CPE: variants seen among roughly 807,000 people sequenced by gnomAD.
CPE encodes the protein carbocypeptidase E.
Under a neutral mutation model 53.5 loss-of-function variants are expected in CPE, and 17 were observed. That is an observed-to-expected ratio of 0.32 (90% CI 0.22 to 0.48). The LOEUF (loss-of-function observed/expected upper bound fraction) is 0.48, where lower values mean the gene tolerates loss of function less well. Ranked by LOEUF, CPE falls within the 20% of genes least tolerant of loss-of-function variation. The probability of loss-of-function intolerance (pLI) is 0.99; values close to 1 mark genes in which losing one functional copy is unlikely to be tolerated. For missense variants in CPE, 524 were observed against 614.7 expected, an observed-to-expected ratio of 0.85 and a Z score of 1.56; for synonymous variants, 226 against 228.8, an observed-to-expected ratio of 0.99 and a Z score of 0.11.
chr4:165,405,447 C>A, intron 1 of CPE: 1 of 855,210 alleles, frequency 1.2e-6, no homozygotes, highest in Non-Finnish European at 2.0e-6. Flanking sequence ...TTTACCACAT[C>A]AATTATTTTC....
At chr4:165,391,721 C>T (rs1730682967) in intron 1 of CPE, among the ~76,000 whole-genome samples, 1 of 152,018 alleles carries the variant, frequency 6.6e-6, no homozygotes, top group Non-Finnish European at 1.5e-5. Context: ...TAACTAAGTG[C>T]CTCCTATATG....
chr4:165,462,845 C>T (rs1021628213), intron 1 of CPE, among the ~76,000 whole-genome samples: 2 of 152,148 alleles, frequency 1.3e-5, no homozygotes, highest in Non-Finnish European at 2.9e-5. Context: ...GAGGTCACCA[C>T]AAGGTCATAG....
rs1361275592 is a variant in CPE, at chr4:165,379,228, G to C, written c.7G>C (p.Gly3Arg). MA[G>R]RGGSALLALC... ...GCGGCGGCGGAGCGCAGCGATGGCCGGGCGAGGGGGCAGCGCGCTGCTGGC... is the reference window on the plus strand; with the variant it reads ...GCGGCGGCGGAGCGCAGCGATGGCCCGGCGAGGGGGCAGCGCGCTGCTGGC... The change falls in exon 1 of 9, where the codon GGG becomes CGG. Residue 3 changes from glycine (G) to arginine (R), a missense_variant. Coordinates refer to ENST00000402744, the MANE Select transcript of CPE (RefSeq NM_001873.4). This position sits in a 1 kb window ranked among gnomAD's most constrained non-coding sequence, Gnocchi z 6.0. 8.1e-7 allele frequency: 1 copy of C among 1,232,118 alleles called. No homozygotes were observed. Among genetic ancestry groups the C allele is most frequent in the Non-Finnish European group, 1.0e-6 (1 of 990,214 alleles). 76.3% of individuals were successfully genotyped at this position (1,232,118 alleles called of 1,614,324 possible).
chr4:165,484,563 A>T lies in CPE; in HGVS notation c.932A>T (p.Asp311Val). 1 of 1,614,094 alleles carries T rather than the reference A, an allele frequency of 6.2e-7. No individual in the cohort carries two copies. Among genetic ancestry groups the T allele is most frequent in the Non-Finnish European group, 8.5e-7 (1 of 1,179,962 alleles). Residue 311 changes from aspartate (D) to valine (V), a missense_variant, in exon 5 of 9, where the codon GAT (aspartate) becomes GTT (valine). Transcript: ENST00000402744. Reference sequence around the variant, plus strand: ...AATGATGATGACAGCAGCTTTGTAGATGGAACCACCAACGGTGGTGCTTGG... The same window carrying T: ...AATGATGATGACAGCAGCTTTGTAGTTGGAACCACCAACGGTGGTGCTTGG... ...RKNDDDSSFV[D>V]GTTNGGAWYS...
chr4:165,410,418 A>T (rs1282259965), intron 1 of CPE, among the ~76,000 whole-genome samples: 9 of 152,164 alleles, frequency 5.9e-5, no homozygotes, highest in Non-Finnish European at 1.3e-4. Context: ...GTAGAACATC[A>T]CACCGGCACT....
At chr4:165,405,998 A>G (rs1324569411) in intron 1 of CPE, 1 of 749,500 alleles carries the variant, frequency 1.3e-6, no homozygotes, top group African/African-American at 1.7e-5. Context: ...TATCTGTGTT[A>G]CTTCTTGAGG....
intron 4 of CPE, among the ~76,000 whole-genome samples, chr4:165,483,278 A>C (rs1203324187): frequency 6.6e-6 from 1 of 152,146 alleles, no homozygotes; most frequent in Non-Finnish European, 1.5e-5. Flanking sequence ...GCTCCAGATA[A>C]TGGCTCCTAG....
chr4:165,484,851 T>C (rs1390729119), intron 5 of CPE, among the ~76,000 whole-genome samples: 1 of 152,230 alleles, frequency 6.6e-6, no homozygotes, highest in Non-Finnish European at 1.5e-5. Flanking sequence ...ACTGAAGACA[T>C]TCATTTGGAA....
At chr4:165,381,641 A>G (rs763277300) in intron 1 of CPE, among the ~76,000 whole-genome samples, 1 of 152,208 alleles carries the variant, frequency 6.6e-6, no homozygotes, top group Non-Finnish European at 1.5e-5. Flanking sequence ...ATAAACTATT[A>G]TAAACCAACA....
chr4:165,419,071 T>A (rs10000363), intron 1 of CPE, among the ~76,000 whole-genome samples: 26,804 of 152,160 alleles, frequency 0.18, 2,566 homozygotes, highest in African/African-American at 0.25. Context: ...AGGAATCAAA[T>A]AAGCCAGGGT....
chr4:165,422,357 T>G (rs762362089), intron 1 of CPE, among the ~76,000 whole-genome samples: 1 of 151,794 alleles, frequency 6.6e-6, no homozygotes, highest in Non-Finnish European at 1.5e-5. Flanking sequence ...TTAAGGAATC[T>G]TCTCTTTACA....
intron 1 of CPE, among the ~76,000 whole-genome samples, chr4:165,414,696 TACAC>T (rs34514231): frequency 0.3 from 44,422 of 150,372 alleles, 6,676 homozygotes; most frequent in Middle Eastern, 0.39. Context: ...TATATATATA[TACAC>T]ACACACACAC....
chr4:165,487,383 G>A (rs1579283558), intron 5 of CPE, 55 bp from the exon 6 acceptor site: 2 of 1,606,636 alleles, frequency 1.2e-6, no homozygotes, highest in South Asian at 1.1e-5. Context: ...ACTAGCCTGT[G>A]TAGAGTTTTA....
chr4:165,405,746 G>A (rs377045827), intron 1 of CPE: 23 of 934,104 alleles, frequency 2.5e-5, no homozygotes, highest in African/African-American at 1.1e-4. Flanking sequence ...CTGTCTGCAC[G>A]GATGTTTCTG....
At position 165,404,997 on chromosome 4, in the gene CPE, A is replaced by C. The variant is rs904447032; in HGVS notation, c.307+25469A>C. Reference sequence around the variant, plus strand: ...ACTTCCTTTAGCACTCTGTGCTTAAAACTAAGGAAGTTGTGATGGATGGAC... The same window carrying C: ...ACTTCCTTTAGCACTCTGTGCTTAACACTAAGGAAGTTGTGATGGATGGAC... On this transcript the variant is annotated intron_variant, in intron 1 of 8. Transcript: ENST00000402744. 1.7e-5 allele frequency: 13 copies of C among 747,018 alleles called. No homozygotes were observed. In the African/African-American group the frequency reaches 2.2e-4, roughly 13 times the overall value. 46.3% of individuals were successfully genotyped at this position (747,018 alleles called of 1,614,324 possible).
chr4:165,485,506 T>G (rs1732492563), intron 5 of CPE, among the ~76,000 whole-genome samples: 1 of 152,294 alleles, frequency 6.6e-6, no homozygotes, highest in South Asian at 2.1e-4. Context: ...TTTTGCATTT[T>G]ATCCAGATCA....
chr4:165,493,481 G>C (rs1001450064), intron 7 of CPE, among the ~76,000 whole-genome samples: 1 of 152,198 alleles, frequency 6.6e-6, no homozygotes, highest in Non-Finnish European at 1.5e-5. Context: ...AGAAATCCGG[G>C]TGCAGCAGAT....
chr4:165,458,242 C>G (rs1265650724), intron 1 of CPE, among the ~76,000 whole-genome samples: 1 of 152,116 alleles, frequency 6.6e-6, no homozygotes, highest in Non-Finnish European at 1.5e-5. Context: ...ACTTGTTTGT[C>G]AATTTTTAAA....
At chr4:165,496,523 T>C (rs923809907) in intron 8 of CPE, among the ~76,000 whole-genome samples, 3 of 152,136 alleles carry the variant, frequency 2.0e-5, no homozygotes, top group Non-Finnish European at 4.4e-5. Flanking sequence ...TTCTGGCATG[T>C]GTTAGTGCAA....
Sources: allele counts gnomAD v4.1 joint callset (sites outside exome capture counted in the v4.1 genomes callset), GRCh38; gene constraint gnomAD v4.1.1; non-coding constraint Gnocchi (gnomAD v3.1); transcripts MANE v1.5; gene names NCBI Gene and HGNC (gene_info 2026-07-23, HGNC 2026-07-21).